The following ADSS1 variants were observed in gnomAD, a reference collection of about 807,000 sequenced individuals.
ADSS1 encodes adenylosuccinate synthase 1, also known as adenylosuccinate synthetase isozyme 1.
Under a neutral mutation model 59.1 loss-of-function variants are expected in ADSS1, and 57 were observed. The observed-to-expected ratio is 0.97, with a 90% CI of 0.78 to 1.20. ADSS1 has a LOEUF of 1.20. Ranked by LOEUF, ADSS1 falls within the 50% of genes most tolerant of loss-of-function variation. The probability of loss-of-function intolerance (pLI) is 0.00; values close to 1 mark genes in which losing one functional copy is unlikely to be tolerated. For missense variants in ADSS1, 603 were observed against 610.3 expected, an observed-to-expected ratio of 0.99 and a Z score of 0.13; for synonymous variants, 247 against 249.4, an observed-to-expected ratio of 0.99 and a Z score of 0.09.
rs753244916 is a variant in ADSS1 at position 104,740,857 on chromosome 14, C to G, written c.603C>G (p.His201Gln). ...TGTGCAGATTCAAGAACCTGGCCCA[C>G]CAGCACCAGTCGATGTTCCCCACCC... Reference protein sequence around the residue: ...EFSSRFKNLAHQHQSMFPTLE... With the variant: ...EFSSRFKNLAQQHQSMFPTLE... The change falls in exon 7 of 13, where the codon CAC becomes CAG. Residue 201 changes from histidine to glutamine, a missense_variant. Physicochemically the swap from His to Gln is conservative, Grantham distance 24. Transcript: ENST00000330877. The surrounding 1 kb of genome is among the most constrained non-coding windows in gnomAD (Gnocchi z 4.8). 17 of 1,613,892 alleles carry G rather than the reference C, an allele frequency of 1.1e-5. No homozygotes were observed. The East Asian group carries it at 3.3e-4, about 32-fold the overall frequency.
chr14:104,728,062 A>G (rs1890770572), intron 1 of ADSS1, among the ~76,000 whole-genome samples: 1 of 152,136 alleles, frequency 6.6e-6, no homozygotes, highest in South Asian at 2.1e-4. Context: ...GTGTGAGATC[A>G]CAGGGTGTTT....
chr14:104,729,139 C>A (rs12587476), intron 1 of ADSS1, among the ~76,000 whole-genome samples: 15,597 of 152,136 alleles, frequency 0.1, 1,462 homozygotes, highest in East Asian at 0.51. Context: ...CTGGGCCAAG[C>A]AGACGCTGTG....
chr14:104,736,725 G>C (rs913557373), intron 2 of ADSS1, among the ~76,000 whole-genome samples: 1 of 151,418 alleles, frequency 6.6e-6, no homozygotes, highest in Middle Eastern at 3.2e-3. Flanking sequence ...TTTGTTTTTT[G>C]TTTATTTTGA....
At chr14:104,726,086 C>A (rs922924963) in intron 1 of ADSS1, among the ~76,000 whole-genome samples, 1 of 152,192 alleles carries the variant, frequency 6.6e-6, no homozygotes, top group Non-Finnish European at 1.5e-5. Context: ...CCAGGCTGCC[C>A]CCGCCAGGCC....
intron 1 of ADSS1, among the ~76,000 whole-genome samples, chr14:104,733,417 T>C (rs1461036047): frequency 6.6e-6 from 1 of 152,194 alleles, no homozygotes; most frequent in Non-Finnish European, 1.5e-5. Flanking sequence ...CATCTCTGGA[T>C]CTGCCCCCCC....
At chr14:104,742,998 G>T in intron 9 of ADSS1, 69 bp from the exon 10 acceptor site, 1 of 1,596,208 alleles carries the variant, frequency 6.3e-7, no homozygotes, top group South Asian at 1.1e-5. Flanking sequence ...GGAGGAGGGG[G>T]AGCAGCAGGG....
Position 104,746,496 on chromosome 14 carries a change from G to A in ADSS1, c.1321+111G>A. Reference sequence around the variant, plus strand: ...TAAGAAAACCAAGTGTGGTCACCAAGCGAATATATTGCATGGCAGGAGGGG... The same window carrying A: ...TAAGAAAACCAAGTGTGGTCACCAAACGAATATATTGCATGGCAGGAGGGG... On this transcript the variant is annotated intron_variant, in intron 12 of 12. Transcript: ENST00000330877. 3 of 1,397,246 alleles carry A rather than the reference G, an allele frequency of 2.1e-6. No homozygotes were observed. In the South Asian group the frequency reaches 4.3e-5, roughly 20 times the overall value. 86.6% of individuals were successfully genotyped at this position (1,397,246 alleles called of 1,614,324 possible).
At chr14:104,729,511 G>GTA (rs1890825507) in intron 1 of ADSS1, among the ~76,000 whole-genome samples, 1 of 142,822 alleles carries the variant, frequency 7.0e-6, no homozygotes, top group African/African-American at 2.6e-5. Flanking sequence ...CGTCGGCGTG[G>GTA]GGGAGGAGCG....
At chr14:104,742,536 C>T (rs936442861) in intron 9 of ADSS1, among the ~76,000 whole-genome samples, 3 of 152,278 alleles carry the variant, frequency 2.0e-5, no homozygotes, top group Non-Finnish European at 2.9e-5. Flanking sequence ...CAGCCTTCCT[C>T]TTTCACCCTC....
intron 1 of ADSS1, among the ~76,000 whole-genome samples, chr14:104,725,236 C>T (rs1299238946): frequency 6.6e-6 from 1 of 152,198 alleles, no homozygotes; most frequent in Admixed American, 6.5e-5. Flanking sequence ...CTGAGCTGCA[C>T]ACTGGGCACT....
At chr14:104,741,711 C>A (rs974787984) in intron 8 of ADSS1, 137 bp from the exon 9 acceptor site, 6 of 1,068,924 alleles carry the variant, frequency 5.6e-6, no homozygotes, top group African/African-American at 3.2e-5. Context: ...CCAGGACAGG[C>A]CAGGCTGGCG....
intron 1 of ADSS1, among the ~76,000 whole-genome samples, chr14:104,731,209 A>G (rs1303062917): frequency 6.6e-6 from 1 of 152,090 alleles, no homozygotes; most frequent in Non-Finnish European, 1.5e-5. Flanking sequence ...CCCTTGCATC[A>G]CTGTGCTTCT....
At chr14:104,727,995 G>A (rs1259183469) in intron 1 of ADSS1, among the ~76,000 whole-genome samples, 1 of 152,220 alleles carries the variant, frequency 6.6e-6, no homozygotes, top group East Asian at 1.9e-4. Context: ...TCCAGGTCTA[G>A]CTAGAGCCAG....
chr14:104,731,516 C>T (rs1026199702), intron 1 of ADSS1, among the ~76,000 whole-genome samples: 1 of 152,208 alleles, frequency 6.6e-6, no homozygotes, highest in African/African-American at 2.4e-5. Flanking sequence ...CAGGACTCTG[C>T]AGCCCCTAGA....
In ADSS1 at chr14:104,740,503, A is replaced by G; in HGVS notation, c.477-98A>G. On this transcript the variant is annotated intron_variant, in intron 5 of 12. Transcript: ENST00000330877. This position sits in a 1 kb window ranked among gnomAD's most constrained non-coding sequence, Gnocchi z 4.8. ...CCAGACACAGGCAGCAATGGTGGGC[A>G]CTGGAGTCATGAGCCGGCGGGGGTC... is the stretch of plus-strand genomic sequence containing the variant. 2 of 1,037,624 alleles carry G rather than the reference A, an allele frequency of 1.9e-6. No individual in the cohort carries two copies. Among genetic ancestry groups the G allele is most frequent in the Non-Finnish European group, 2.9e-6 (2 of 687,168 alleles). The allele number at this position is 1,037,624 out of a possible 1,614,324, so 64.3% of individuals were successfully genotyped here. A position where few individuals can be genotyped will look rare whatever the true frequency, so the allele number is the denominator to read the frequency against.
rs750886513 is a variant in ADSS1 at position 104,746,952 on chromosome 14, C to A, written c.1323C>A (p.Val441=). Residue 441 remains valine, a splice_region_variant and synonymous_variant, in exon 13 of 13, where the codon GTC becomes GTA. Transcript: ENST00000330877. ...RFVENHVGVA[V]KWVGVGKSRE... ...TAACAGTCTTTTCTGCTCTCTCAGT[C>A]AAATGGGTTGGTGTTGGCAAGTCAA... The A allele has an allele frequency of 5.6e-6, 9 of 1,613,994 alleles. No homozygotes were observed. In the Admixed American group the frequency reaches 8.3e-5, roughly 15 times the overall value.
chr14:104,726,944 G>T (rs1004860043), intron 1 of ADSS1, among the ~76,000 whole-genome samples: 1 of 152,226 alleles, frequency 6.6e-6, no homozygotes, highest in Admixed American at 6.5e-5. Context: ...TTCCCTGGCT[G>T]CCCAAGCCTC....
At chr14:104,736,535 G>A (rs550780564) in intron 2 of ADSS1, among the ~76,000 whole-genome samples, 42 of 152,250 alleles carry the variant, frequency 2.8e-4, no homozygotes, top group African/African-American at 9.4e-4. Context: ...CATGGCTTGC[G>A]TCGTCTCCGG....
chr14:104,729,715 T>C, intron 1 of ADSS1: 1 of 217,708 alleles, frequency 4.6e-6, no homozygotes, highest in Non-Finnish European at 6.7e-6. Context: ...GGCGTCGGCG[T>C]CGGGAGGAGC....
Sources: gnomAD v4.1 joint callset for allele counts (sites outside exome capture counted in the v4.1 genomes callset) on GRCh38, gnomAD v4.1.1 for gene constraint, Gnocchi (gnomAD v3.1) non-coding constraint, MANE v1.5 for transcripts, NCBI Gene and HGNC (gene_info 2026-07-23, HGNC 2026-07-21) for gene names.